The following TANC2 variants were observed in gnomAD, a reference collection of about 807,000 sequenced individuals.
The protein encoded by TANC2 is protein TANC2.
Under a neutral mutation model 210.5 loss-of-function variants are expected in TANC2, and 26 were observed. That is an observed-to-expected ratio of 0.12 (90% CI 0.09 to 0.17). The LOEUF is 0.17. TANC2 is among the 10% of genes least tolerant of loss of function. The pLI is 1.00. For synonymous variants in TANC2, 931 were observed against 967.1 expected (o/e 0.96, Z 0.69); for missense variants, 2,129 against 2,608.9 (o/e 0.82, Z 4.01).
chr17:63,420,533 C>A lies in TANC2; in HGVS notation c.4803C>A (p.Ser1601Arg). The A allele has an allele frequency of 6.2e-7, 1 of 1,613,850 alleles. No homozygotes were observed. Among genetic ancestry groups the A allele is most frequent in the South Asian group, 1.1e-5 (1 of 91,064 alleles). Residue 1601 changes from serine to arginine, a missense_variant, in exon 28 of 28, where the codon AGC becomes AGA. This residue lies in a region of TANC2 where 584 missense variants were observed against 627.3 expected (regional missense o/e 0.93). Coordinates refer to ENST00000689528, the Ensembl canonical transcript of TANC2. This position sits in a 1 kb window ranked among gnomAD's most constrained non-coding sequence, Gnocchi z 4.2. ...ATCAGGGAGGATCTTACCGTTTCAG[C>A]CCCCCTCCTGTGGGAGGACAGGGCA...
At chr17:63,283,219 G>T (rs1192595855) in intron 9 of TANC2, among the ~76,000 whole-genome samples, 2 of 151,858 alleles carry the variant, frequency 1.3e-5, no homozygotes, top group African/African-American at 4.8e-5. Flanking sequence ...ACCATTTGTT[G>T]TAAAGACTAT....
intron 9 of TANC2, among the ~76,000 whole-genome samples, chr17:63,301,632 T>C (rs2044716466): frequency 6.6e-6 from 1 of 152,200 alleles, no homozygotes; most frequent in African/African-American, 2.4e-5. Flanking sequence ...ATATCCCTTT[T>C]ATCATTTTTT....
intron 4 of TANC2, among the ~76,000 whole-genome samples, chr17:63,126,693 G>A (rs978910101): frequency 1.3e-5 from 2 of 152,248 alleles, no homozygotes; most frequent in South Asian, 4.2e-4. Context: ...ACAAGCATGA[G>A]CCACCATGCC....
chr17:63,182,293 T>C lies in TANC2; in HGVS notation c.434-11698T>C, dbSNP rs546867954. ...GGCATCCAGATAAAAATCCTGAGAA[T>C]AGAGAAGAAACAGAAAATTCCGACA... is the stretch of plus-strand genomic sequence containing the variant. On this transcript the variant is annotated intron_variant, in intron 5 of 27. Transcript: ENST00000689528. The C allele has an allele frequency of 1.1e-3, 222 of 195,714 alleles. 1 individual carries two copies. The highest frequency in any genetic ancestry group is 4.9e-3 in the African/African-American group (210 of 42,630). The allele number at this position is 195,714 out of a possible 1,614,324, so 12.1% of individuals were successfully genotyped here.
chr17:63,196,603 A>G lies in TANC2; in HGVS notation c.582+2464A>G, dbSNP rs147831777. Among the ~76,000 whole-genome samples, 6 of 152,322 alleles carry G rather than the reference A, an allele frequency of 3.9e-5. No individual in the cohort carries two copies. The East Asian group carries it at 9.6e-4, about 24-fold the overall frequency. On this transcript the variant is annotated intron_variant, in intron 6 of 27. Transcript: ENST00000689528. Reference sequence around the variant, plus strand: ...TAATCTTAAGTAAATGAGTAGTATCATTGATTTAATTAAAGCAATATGGTG... The same window carrying G: ...TAATCTTAAGTAAATGAGTAGTATCGTTGATTTAATTAAAGCAATATGGTG...
intron 1 of TANC2, among the ~76,000 whole-genome samples, chr17:62,988,201 C>T (rs911208953): frequency 1.3e-5 from 2 of 151,964 alleles, no homozygotes; most frequent in Non-Finnish European, 2.9e-5. Context: ...AATCTCAGCT[C>T]ACTGCAACCT....
At chr17:63,209,485 G>A (rs535081117) in intron 7 of TANC2, among the ~76,000 whole-genome samples, 2 of 152,208 alleles carry the variant, frequency 1.3e-5, no homozygotes, top group Non-Finnish European at 2.9e-5. Flanking sequence ...CTGGGCTGGA[G>A]TGCAGTGGTG....
intron 1 of TANC2, among the ~76,000 whole-genome samples, chr17:62,980,673 TG>T (rs1214730104): frequency 6.6e-6 from 1 of 152,202 alleles, no homozygotes; most frequent in Non-Finnish European, 1.5e-5. Context: ...CTGCATTAAC[TG>T]GGGAGCTTTG....
At chr17:63,077,202 A>G (rs538528281) in intron 3 of TANC2, among the ~76,000 whole-genome samples, 2 of 152,288 alleles carry the variant, frequency 1.3e-5, no homozygotes, top group East Asian at 1.9e-4. Context: ...GAAACTGAAA[A>G]ATAAAGCAGC....
chr17:63,299,534 CT>C (rs201041332), intron 9 of TANC2, among the ~76,000 whole-genome samples: 21,005 of 126,236 alleles, frequency 0.17, 1,175 homozygotes, highest in Middle Eastern at 0.25. Flanking sequence ...TGATGTTAAG[CT>C]TTTTTTTTTT....
Position 63,235,320 on chromosome 17 carries a change from A to G in TANC2, c.770-2494A>G, listed in dbSNP as rs116966150. Among the ~76,000 whole-genome samples the G allele has an allele frequency of 4.2e-3, 633 of 152,112 alleles. 1 individual carries two copies. Among genetic ancestry groups the G allele is most frequent in the Non-Finnish European group, 7.4e-3 (503 of 67,928 alleles). ...TTTCCAAAATGAGCATAGGTTGTCT[A>G]TTTTTTAAGATTTTACAACTAATCA... On this transcript the variant is annotated intron_variant, in intron 7 of 27. Coordinates refer to ENST00000689528, the Ensembl canonical transcript of TANC2.
At chr17:63,413,566 A>G in exon 25 of TANC2, 1 of 1,599,376 alleles carries the variant, frequency 6.3e-7, no homozygotes, top group Non-Finnish European at 8.5e-7. Context: ...GGCGATGGCC[A>G]CCTCCAAGCC....
intron 12 of TANC2, among the ~76,000 whole-genome samples, chr17:63,342,192 C>T (rs2046251500): frequency 2.0e-5 from 3 of 151,832 alleles, no homozygotes; most frequent in Admixed American, 2.0e-4. Context: ...ATTTATGGTA[C>T]ATAACACATA....
At chr17:63,407,361 T>C (rs2048545699) in intron 21 of TANC2, among the ~76,000 whole-genome samples, 1 of 152,220 alleles carries the variant, frequency 6.6e-6, no homozygotes. Flanking sequence ...AGGTTGGGCC[T>C]AGATTCTCAA....
intron 4 of TANC2, among the ~76,000 whole-genome samples, chr17:63,145,871 CTATT>C (rs1300227405): frequency 2.0e-5 from 3 of 151,910 alleles, no homozygotes; most frequent in Admixed American, 6.6e-5. Context: ...ATTGTTTTGA[CTATT>C]TAGGTTCCCT....
chr17:63,423,189 T>C (rs2049066547), exon 28 of TANC2: 1 of 152,212 alleles, frequency 6.6e-6, no homozygotes, highest in African/African-American at 2.4e-5. Context: ...GGAGTGTTTA[T>C]GAGAGTGTGA....
chr17:63,137,765 A>G (rs1395255780), intron 4 of TANC2, among the ~76,000 whole-genome samples: 2 of 152,214 alleles, frequency 1.3e-5, no homozygotes, highest in African/African-American at 2.4e-5. Flanking sequence ...ATAAAGCATT[A>G]TATTTGATGA....
intron 9 of TANC2, among the ~76,000 whole-genome samples, chr17:63,300,282 A>G (rs1567894288): frequency 6.6e-6 from 1 of 152,156 alleles, no homozygotes. Context: ...TTTCAGTTCC[A>G]TATGAATTTT....
intron 2 of TANC2, among the ~76,000 whole-genome samples, chr17:63,037,495 T>C (rs2035018487): frequency 1.3e-5 from 2 of 152,116 alleles, no homozygotes; most frequent in African/African-American, 4.8e-5. Flanking sequence ...TGGTTTCTTA[T>C]TGTACATTGC....
Sources: allele counts gnomAD v4.1 joint callset (sites outside exome capture counted in the v4.1 genomes callset), GRCh38; gene constraint gnomAD v4.1.1; regional missense constraint gnomAD v4.1.1; non-coding constraint Gnocchi (gnomAD v3.1); transcripts MANE v1.5; gene names NCBI Gene and HGNC (gene_info 2026-07-23, HGNC 2026-07-21).